The following GABRA3 variants were observed in gnomAD, a reference collection of about 807,000 sequenced individuals.
The protein encoded by GABRA3 is gamma-aminobutyric acid receptor subunit alpha-3.
A neutral mutation model predicts 30.1 loss-of-function variants in GABRA3; 10 were observed. That is an observed-to-expected ratio of 0.33 (90% CI 0.20 to 0.56). The LOEUF (loss-of-function observed/expected upper bound fraction) is 0.56. Ranked by LOEUF, GABRA3 falls within the 20% of genes least tolerant of loss-of-function variation. The pLI, the probability that GABRA3 is intolerant of heterozygous loss-of-function variation, is 0.89. For synonymous variants in GABRA3, 151 were observed against 146.8 expected, an observed-to-expected ratio of 1.03 and a Z score of -0.21; for missense variants, 233 against 392.0, an observed-to-expected ratio of 0.59 and a Z score of 3.42.
chrX:152,199,746 C>G (rs1937454541), intron 7 of GABRA3, among the ~76,000 whole-genome samples: 1 of 110,445 alleles, frequency 9.1e-6, no homozygotes, highest in African/African-American at 3.3e-5. Context: ...AAATGGCTCC[C>G]CCAAGAGACT....
intron 4 of GABRA3, among the ~76,000 whole-genome samples, chrX:152,275,849 A>G (rs2124432094): frequency 9.1e-6 from 1 of 109,769 alleles, no homozygotes; most frequent in Admixed American, 9.9e-5. Context: ...CTAGATATGA[A>G]TGAGAGACAG....
intron 9 of GABRA3, among the ~76,000 whole-genome samples, chrX:152,184,014 A>G: frequency 1.8e-5 from 2 of 110,163 alleles, no homozygotes; most frequent in Middle Eastern, 4.7e-3. Flanking sequence ...TGCTCTACTT[A>G]TAGACTGATT....
intron 5 of GABRA3, among the ~76,000 whole-genome samples, chrX:152,247,691 A>T (rs1199090862): frequency 5.4e-5 from 6 of 111,729 alleles, no homozygotes. Flanking sequence ...CATTGTTATG[A>T]TTTGCCTTAT....
chrX:152,276,159 C>A (rs1458029474), intron 4 of GABRA3, among the ~76,000 whole-genome samples: 1 of 110,965 alleles, frequency 9.0e-6, no homozygotes, highest in Non-Finnish European at 1.9e-5. Context: ...ACAAAAGTGG[C>A]AATATGAAGA....
Position 152,323,149 on chromosome X carries a change from C to T in GABRA3, c.262+22432G>A, listed in dbSNP as rs1330699804. On this transcript the variant is annotated intron_variant, in intron 3 of 9. Coordinates refer to ENST00000370314, the MANE Select transcript of GABRA3 (RefSeq NM_000808.4). ...TATAGGCGTGAGCCAATGCACCCAG[C>T]CTCAAAGTCAACTCTTAATTAAAGT... is the stretch of plus-strand genomic sequence containing the variant. Among the ~76,000 whole-genome samples, 3 of 111,326 alleles carry T rather than the reference C, an allele frequency of 2.7e-5. No individual in the cohort carries two copies. The Admixed American group carries it at 2.9e-4, about 11-fold the overall frequency.
intron 7 of GABRA3, among the ~76,000 whole-genome samples, chrX:152,202,717 C>T (rs763748653): frequency 2.7e-5 from 3 of 112,111 alleles, no homozygotes; most frequent in South Asian, 7.3e-4. Flanking sequence ...ATTATTCACT[C>T]GTGGATACTG....
At chrX:152,281,734 T>G (rs376758698) in intron 4 of GABRA3, among the ~76,000 whole-genome samples, 1 of 111,566 alleles carries the variant, frequency 9.0e-6, no homozygotes, top group Non-Finnish European at 1.9e-5. Context: ...AGGAAAGCTA[T>G]TTTCACTCTT....
At chrX:152,244,231 A>C (rs1938426246) in intron 5 of GABRA3, among the ~76,000 whole-genome samples, 1 of 112,210 alleles carries the variant, frequency 8.9e-6, no homozygotes, top group Admixed American at 9.5e-5. Flanking sequence ...CCCAATGAGT[A>C]AATTTTCCAA....
At chrX:152,191,185 T>G (rs758866838) in intron 8 of GABRA3, among the ~76,000 whole-genome samples, 2 of 110,824 alleles carry the variant, frequency 1.8e-5, no homozygotes, top group Non-Finnish European at 3.8e-5. Flanking sequence ...TCTTTACTGT[T>G]GTTAGAACAA....
chrX:152,296,012 C>A lies in GABRA3; in HGVS notation c.263-11277G>T, dbSNP rs962260616. Among the ~76,000 whole-genome samples, 3 of 112,158 alleles carry A rather than the reference C, an allele frequency of 2.7e-5. No homozygotes were observed. In the Admixed American group the frequency reaches 2.8e-4, roughly 11 times the overall value. On this transcript the variant is annotated intron_variant, in intron 3 of 9. Coordinates refer to ENST00000370314, the MANE Select transcript of GABRA3 (RefSeq NM_000808.4). ...ATGATATGAACAAAACTCAACTACACCTTTACATCTCACTATGGGTCATGA... is the reference window on the plus strand; with the variant it reads ...ATGATATGAACAAAACTCAACTACAACTTTACATCTCACTATGGGTCATGA...
intron 1 of GABRA3, among the ~76,000 whole-genome samples, chrX:152,415,575 G>T (rs777144350): frequency 9.0e-6 from 1 of 110,624 alleles, no homozygotes; most frequent in Admixed American, 9.7e-5. Context: ...GGATTATATT[G>T]CATAGAACTA....
intron 3 of GABRA3, among the ~76,000 whole-genome samples, chrX:152,323,192 C>T (rs903452980): frequency 9.0e-6 from 1 of 111,658 alleles, no homozygotes; most frequent in Non-Finnish European, 1.9e-5. Flanking sequence ...ATGGCTTTGT[C>T]TCCATCAACC....
At chrX:152,232,275 T>C (rs1938095622) in intron 5 of GABRA3, among the ~76,000 whole-genome samples, 1 of 111,115 alleles carries the variant, frequency 9.0e-6, no homozygotes, top group Non-Finnish European at 1.9e-5. Flanking sequence ...ATTAATTTAT[T>C]TGTAGATTTA....
intron 2 of GABRA3, among the ~76,000 whole-genome samples, chrX:152,356,946 G>C (rs958401982): frequency 2.7e-5 from 3 of 111,835 alleles, no homozygotes; most frequent in Admixed American, 9.5e-5. Context: ...TGACTGCATA[G>C]TATTCCATGG....
intron 1 of GABRA3, among the ~76,000 whole-genome samples, chrX:152,429,028 T>G: frequency 9.0e-6 from 1 of 111,362 alleles, no homozygotes; most frequent in South Asian, 3.8e-4. Context: ...GCCAAGCCCT[T>G]GTGTCACTGG....
At chrX:152,183,514 A>G (rs970170499) in intron 9 of GABRA3, among the ~76,000 whole-genome samples, 3 of 108,075 alleles carry the variant, frequency 2.8e-5, no homozygotes, top group African/African-American at 1.0e-4. Context: ...TCTTAGTTTT[A>G]ATGATCTTTT....
At chrX:152,245,309 G>A (rs1308571775) in intron 5 of GABRA3, among the ~76,000 whole-genome samples, 2 of 111,199 alleles carry the variant, frequency 1.8e-5, no homozygotes, top group Non-Finnish European at 3.8e-5. Flanking sequence ...GGAGTAAAGG[G>A]CAGGATTTGG....
chrX:152,325,082 T>G (rs1204971498), intron 3 of GABRA3, among the ~76,000 whole-genome samples: 2 of 111,375 alleles, frequency 1.8e-5, no homozygotes, highest in East Asian at 5.7e-4. Flanking sequence ...TAACACACCT[T>G]AGGCTGGATA....
chrX:152,419,845 A>G (rs1345237511), intron 1 of GABRA3, among the ~76,000 whole-genome samples: 1 of 111,988 alleles, frequency 8.9e-6, no homozygotes, highest in Admixed American at 9.6e-5. Context: ...CTCACTTATA[A>G]ATGTGGGTGC....
Sources: gnomAD v4.1 joint callset for allele counts (sites outside exome capture counted in the v4.1 genomes callset) on GRCh38, gnomAD v4.1.1 for gene constraint, MANE v1.5 for transcripts, NCBI Gene and HGNC (gene_info 2026-07-23, HGNC 2026-07-21) for gene names.